Variants in FSTL4 observed in about 807,000 individuals in gnomAD.
FSTL4 encodes the protein follistatin-related protein 4.
A neutral mutation model predicts 78.2 loss-of-function variants in FSTL4; 28 were observed. That is an observed-to-expected ratio of 0.36 (90% CI 0.27 to 0.49). The LOEUF (loss-of-function observed/expected upper bound fraction) is 0.49, where lower values mean the gene tolerates loss of function less well. Among genes scored for constraint, FSTL4 ranks in the 20% least tolerant of loss-of-function variants. The probability of loss-of-function intolerance (pLI) is 0.98; values close to 1 mark genes in which losing one functional copy is unlikely to be tolerated. For missense variants in FSTL4, 922 were observed against 1,084.9 expected (o/e 0.85, Z 2.11); for synonymous variants, 422 against 440.5 (o/e 0.96, Z 0.53).
At chr5:133,471,827 T>C (rs1481291662) in intron 3 of FSTL4, among the ~76,000 whole-genome samples, 1 of 152,212 alleles carries the variant, frequency 6.6e-6, no homozygotes, top group Non-Finnish European at 1.5e-5. Flanking sequence ...TTTAAAAGTA[T>C]GACGGTGTGG....
chr5:133,673,556 T>G, the FSTL4 span, among the ~76,000 whole-genome samples: 3 of 152,252 alleles, frequency 2.0e-5, no homozygotes, highest in Non-Finnish European at 4.4e-5. Flanking sequence ...ATCCCTAATT[T>G]GACATCTCAC....
intron 8 of FSTL4, among the ~76,000 whole-genome samples, chr5:133,229,479 T>TGAGCTGCAGTGA: frequency 6.6e-6 from 1 of 151,932 alleles, no homozygotes; most frequent in Non-Finnish European, 1.5e-5. Context: ...GCCTAGATCA[T>TGAGCTGCAGTGA]GCTATTGCAC....
chr5:133,555,234 G>A (rs1016639846), intron 3 of FSTL4, among the ~76,000 whole-genome samples: 3 of 152,218 alleles, frequency 2.0e-5, no homozygotes, highest in African/African-American at 4.8e-5. Flanking sequence ...GATGAGAGAA[G>A]TCATCTTTAC....
At chr5:133,302,670 G>A (rs1452531424) in intron 6 of FSTL4, among the ~76,000 whole-genome samples, 1 of 152,188 alleles carries the variant, frequency 6.6e-6, no homozygotes, top group Non-Finnish European at 1.5e-5. Context: ...AGGGGTGACT[G>A]CAGGTTCCAT....
chr5:133,391,085 G>A (rs1475138403), intron 4 of FSTL4, among the ~76,000 whole-genome samples: 12 of 152,186 alleles, frequency 7.9e-5, no homozygotes, highest in Non-Finnish European at 1.5e-5. Context: ...TTGCTAGTGG[G>A]CATAAAACAC....
At chr5:133,534,678 G>T (rs1212608076) in intron 3 of FSTL4, among the ~76,000 whole-genome samples, 2 of 151,980 alleles carry the variant, frequency 1.3e-5, no homozygotes, top group Non-Finnish European at 1.5e-5. Context: ...TTCAAAAATG[G>T]TTACTAGGAT....
At chr5:133,356,202 T>A (rs1754942008) in intron 4 of FSTL4, among the ~76,000 whole-genome samples, 1 of 152,224 alleles carries the variant, frequency 6.6e-6, no homozygotes, top group South Asian at 2.1e-4. Flanking sequence ...ATAGATTCAA[T>A]CACAAACACA....
At chr5:133,645,529 T>C in the FSTL4 span, among the ~76,000 whole-genome samples, 2 of 152,150 alleles carry the variant, frequency 1.3e-5, no homozygotes, top group Non-Finnish European at 2.9e-5. Flanking sequence ...ACTAGGTGCC[T>C]GGCACTTCAC....
chr5:133,797,667 C>T, the FSTL4 span, among the ~76,000 whole-genome samples: 3 of 152,116 alleles, frequency 2.0e-5, no homozygotes, highest in African/African-American at 7.2e-5. Context: ...TTTGGGGGTG[C>T]TTAGGATTCC....
intron 3 of FSTL4, among the ~76,000 whole-genome samples, chr5:133,492,509 C>A (rs1381257399): frequency 6.6e-6 from 1 of 152,142 alleles, no homozygotes; most frequent in Non-Finnish European, 1.5e-5. Flanking sequence ...TATTTTACCT[C>A]ATTGTTTAGA....
At chr5:133,530,239 A>G (rs751896000) in intron 3 of FSTL4, among the ~76,000 whole-genome samples, 7 of 152,250 alleles carry the variant, frequency 4.6e-5, no homozygotes, top group Non-Finnish European at 1.0e-4. Flanking sequence ...CTAGCAAATC[A>G]GCATCTTCTG....
At chr5:133,804,167 G>T in the FSTL4 span, among the ~76,000 whole-genome samples, 1 of 152,104 alleles carries the variant, frequency 6.6e-6, no homozygotes, top group African/African-American at 2.4e-5. Flanking sequence ...GCCTGGAAAG[G>T]TTCCTGTTCT....
chr5:133,248,457 C>A (rs953668812), intron 7 of FSTL4: 8 of 152,212 alleles, frequency 5.3e-5, no homozygotes, highest in Non-Finnish European at 1.0e-4. Context: ...GCTGTCCTGG[C>A]AGCTCACTAC....
the FSTL4 span, among the ~76,000 whole-genome samples, chr5:133,765,905 G>C: frequency 6.6e-6 from 1 of 152,214 alleles, no homozygotes; most frequent in African/African-American, 2.4e-5. Flanking sequence ...CAAGTCAAGA[G>C]AGCCACACTG....
the FSTL4 span, among the ~76,000 whole-genome samples, chr5:133,797,715 T>C: frequency 0.26 from 40,145 of 151,850 alleles, 5,445 homozygotes; most frequent in Admixed American, 0.29. Context: ...TCCGTAGGAG[T>C]CCAACTCAAC....
chr5:133,561,714 A>C (rs1315274657), intron 3 of FSTL4, among the ~76,000 whole-genome samples: 1 of 152,188 alleles, frequency 6.6e-6, no homozygotes, highest in Non-Finnish European at 1.5e-5. Context: ...TACAACTCAG[A>C]ATTGGGACTG....
At chr5:133,496,020 G>A (rs1473364740) in intron 3 of FSTL4, among the ~76,000 whole-genome samples, 1 of 152,158 alleles carries the variant, frequency 6.6e-6, no homozygotes, top group Non-Finnish European at 1.5e-5. Flanking sequence ...CAGAGGCAGA[G>A]GAGGGCAGAT....
intron 2 of FSTL4, among the ~76,000 whole-genome samples, chr5:133,577,351 C>T (rs887798327): frequency 9.2e-5 from 14 of 152,088 alleles, no homozygotes; most frequent in South Asian, 8.3e-4. Context: ...GCCACTTAAT[C>T]GAGGGGTCAG....
At chr5:133,377,270 A>G (rs181751161) in intron 4 of FSTL4, among the ~76,000 whole-genome samples, 238 of 151,820 alleles carry the variant, frequency 1.6e-3, no homozygotes, top group Non-Finnish European at 2.6e-3. Context: ...CAGTTTACTC[A>G]TAGGACAGAG....
Sources: allele counts gnomAD v4.1 joint callset (sites outside exome capture counted in the v4.1 genomes callset), GRCh38; gene constraint gnomAD v4.1.1; transcripts MANE v1.5; gene names NCBI Gene and HGNC (gene_info 2026-07-23, HGNC 2026-07-21).